Variants in WDR41 observed in about 807,000 individuals in gnomAD.
The protein encoded by WDR41 is WD repeat-containing protein 41.
Under a neutral mutation model 69.3 loss-of-function variants are expected in WDR41, and 63 were observed. The ratio of observed to expected loss-of-function variants is 0.91; its 90% confidence interval spans 0.74 to 1.12. The LOEUF (loss-of-function observed/expected upper bound fraction) is 1.12. Ranked by LOEUF, WDR41 falls within the 50% of genes most tolerant of loss-of-function variation. The pLI is 0.00. For missense variants in WDR41, 543 were observed against 534.5 expected, an observed-to-expected ratio of 1.02 and a Z score of -0.16; for synonymous variants, 185 against 192.1, an observed-to-expected ratio of 0.96 and a Z score of 0.31.
At chr5:77,492,875 G>A (rs986846915), upstream of WDR41, among the ~76,000 whole-genome samples, 2 of 152,168 alleles carry the variant, frequency 1.3e-5, no homozygotes, top group African/African-American at 4.8e-5. Flanking sequence ...TACACATCAA[G>A]AAACTAAAGC....
intron 2 of WDR41, among the ~76,000 whole-genome samples, chr5:77,470,283 A>T (rs1055462874): frequency 1.3e-5 from 2 of 151,334 alleles, no homozygotes; most frequent in African/African-American, 4.9e-5. Context: ...AGGAAGCACT[A>T]AACATGGAAA....
intron 1 of WDR41, among the ~76,000 whole-genome samples, chr5:77,590,429 G>C (rs2112306447): frequency 6.6e-6 from 1 of 152,202 alleles, no homozygotes; most frequent in South Asian, 2.1e-4. Context: ...TTGCCCCAAG[G>C]GACCACACAG....
intron 1 of WDR41, among the ~76,000 whole-genome samples, chr5:77,566,661 G>C (rs958834419): frequency 2.0e-5 from 3 of 152,128 alleles, no homozygotes; most frequent in Non-Finnish European, 4.4e-5. Context: ...TGTGGTGGGG[G>C]GCAGAGGGAT....
At chr5:77,613,725 A>G (rs1011121198) in intron 1 of WDR41, among the ~76,000 whole-genome samples, 2 of 152,266 alleles carry the variant, frequency 1.3e-5, no homozygotes, top group African/African-American at 4.8e-5. Flanking sequence ...CATTCAGGAC[A>G]TAGGCATGGG....
chr5:77,566,513 T>A (rs1320425109), intron 1 of WDR41, among the ~76,000 whole-genome samples: 1 of 152,172 alleles, frequency 6.6e-6, no homozygotes, highest in Non-Finnish European at 1.5e-5. Flanking sequence ...TTCTGAAGGC[T>A]ATTAAAGCAA....
At chr5:77,503,565 G>A (rs1309783333) in intron 1 of WDR41, among the ~76,000 whole-genome samples, 3 of 152,164 alleles carry the variant, frequency 2.0e-5, no homozygotes, top group Non-Finnish European at 4.4e-5. Context: ...AAAATTAACA[G>A]AATGTACATT....
At chr5:77,500,189 T>G (rs1324409406) in intron 1 of WDR41, among the ~76,000 whole-genome samples, 1 of 152,292 alleles carries the variant, frequency 6.6e-6, no homozygotes, top group African/African-American at 2.4e-5. Context: ...GCATGGCAAT[T>G]ATAAACACTC....
At chr5:77,522,186 A>G (rs542693940) in intron 1 of WDR41, among the ~76,000 whole-genome samples, 9 of 152,238 alleles carry the variant, frequency 5.9e-5, no homozygotes, top group Non-Finnish European at 8.8e-5. Context: ...GTCCAGGCAG[A>G]TGTACAGATA....
At chr5:77,502,918 A>T (rs528707715) in intron 1 of WDR41, among the ~76,000 whole-genome samples, 1 of 152,340 alleles carries the variant, frequency 6.6e-6, no homozygotes, top group East Asian at 1.9e-4. Context: ...AAACATGCCA[A>T]ATTGTAAAGA....
At chr5:77,617,682 G>C (rs576174783) in intron 1 of WDR41, among the ~76,000 whole-genome samples, 1 of 152,054 alleles carries the variant, frequency 6.6e-6, no homozygotes, top group Non-Finnish European at 1.5e-5. Context: ...TAAAATATTA[G>C]GTAGGTACGT....
At chr5:77,460,803 T>C (rs1429199197) in intron 4 of WDR41, among the ~76,000 whole-genome samples, 1 of 152,188 alleles carries the variant, frequency 6.6e-6, no homozygotes, top group Admixed American at 6.5e-5. Context: ...AGGTATAAGA[T>C]TTTCCACTTG....
intron 1 of WDR41, among the ~76,000 whole-genome samples, chr5:77,502,903 C>T (rs1242254273): frequency 2.6e-5 from 4 of 152,038 alleles, no homozygotes; most frequent in Non-Finnish European, 2.9e-5. Context: ...TACCAGCCAG[C>T]GCAAAAACAT....
intron 1 of WDR41, among the ~76,000 whole-genome samples, chr5:77,554,700 TA>T (rs1743359931): frequency 6.6e-6 from 1 of 151,900 alleles, no homozygotes; most frequent in Non-Finnish European, 1.5e-5. Context: ...TATTTTGTTA[TA>T]GCAACACAAA....
rs138238066 is a variant in WDR41, at chr5:77,488,018, G to A, written c.167+1439C>T. On this transcript the variant is annotated intron_variant, in intron 2 of 12. Coordinates refer to ENST00000296679, the MANE Select transcript of WDR41 (RefSeq NM_018268.4). Reference sequence around the variant, plus strand: ...CCTATATACATCCTCTCATTTGGCCGGTCCTAATTTGTATCTTTTATAATA... The same window carrying A: ...CCTATATACATCCTCTCATTTGGCCAGTCCTAATTTGTATCTTTTATAATA... Among the ~76,000 whole-genome samples, 67 of 152,226 alleles carry A rather than the reference G, an allele frequency of 4.4e-4. No individual in the cohort carries two copies. The East Asian group carries it at 9.8e-3, about 22-fold the overall frequency.
intron 1 of WDR41, chr5:77,582,886 G>A: frequency 1.2e-6 from 2 of 1,607,172 alleles, no homozygotes; most frequent in Non-Finnish European, 1.7e-6. Flanking sequence ...TGCTTTGACA[G>A]ATAACGCTTT....
At chr5:77,503,886 G>A (rs1268997764) in intron 1 of WDR41, among the ~76,000 whole-genome samples, 2 of 152,088 alleles carry the variant, frequency 1.3e-5, no homozygotes, top group Non-Finnish European at 2.9e-5. Flanking sequence ...AGTGTGTAGA[G>A]GGAAATTTAT....
chr5:77,475,862 G>C (rs893780769), intron 2 of WDR41, among the ~76,000 whole-genome samples: 2 of 152,246 alleles, frequency 1.3e-5, no homozygotes, highest in African/African-American at 4.8e-5. Context: ...TTCAGACGAT[G>C]AAATTACTAT....
At chr5:77,443,670 A>G (rs1265708346) in intron 8 of WDR41, among the ~76,000 whole-genome samples, 1 of 152,100 alleles carries the variant, frequency 6.6e-6, no homozygotes. Context: ...CAAAAGAACC[A>G]GAGAAGCTAA....
intron 1 of WDR41, among the ~76,000 whole-genome samples, chr5:77,511,562 T>G (rs969302112): frequency 1.3e-4 from 20 of 152,170 alleles, no homozygotes; most frequent in Non-Finnish European, 2.9e-4. Context: ...TCACATTAGA[T>G]CTGTGAACAA....
Sources: allele counts gnomAD v4.1 joint callset (sites outside exome capture counted in the v4.1 genomes callset), GRCh38; gene constraint gnomAD v4.1.1; transcripts MANE v1.5; gene names NCBI Gene and HGNC (gene_info 2026-07-23, HGNC 2026-07-21).